The following SLC9A9 variants were observed in gnomAD, a reference collection of about 807,000 sequenced individuals.
SLC9A9 encodes the protein sodium/hydrogen exchanger 9.
Under a neutral mutation model 77.8 loss-of-function variants are expected in SLC9A9, and 62 were observed. The observed-to-expected ratio is 0.80, with a 90% CI of 0.65 to 0.98. SLC9A9 has a LOEUF of 0.98. Among genes scored for constraint, SLC9A9 ranks in the 50% least tolerant of loss-of-function variants. The probability of loss-of-function intolerance (pLI) is 0.00; values close to 1 mark genes in which losing one functional copy is unlikely to be tolerated. For missense variants in SLC9A9, 775 were observed against 774.9 expected (o/e 1.00, Z 0.00); for synonymous variants, 320 against 283.5 (o/e 1.13, Z -1.29).
chr3:143,380,831 G>A (rs1409315854), intron 13 of SLC9A9, among the ~76,000 whole-genome samples: 3 of 152,206 alleles, frequency 2.0e-5, no homozygotes, highest in Non-Finnish European at 4.4e-5. Context: ...TGTGTGCCAG[G>A]AAAGCAGTGT....
intron 8 of SLC9A9, among the ~76,000 whole-genome samples, chr3:143,571,019 TTGTA>T (rs2037248972): frequency 6.6e-6 from 1 of 152,126 alleles, no homozygotes; most frequent in African/African-American, 2.4e-5. Flanking sequence ...TCAAATAGAA[TTGTA>T]TGTGATATCC....
intron 1 of SLC9A9, among the ~76,000 whole-genome samples, chr3:143,843,175 G>A (rs1051647292): frequency 6.6e-6 from 1 of 152,168 alleles, no homozygotes; most frequent in East Asian, 1.9e-4. Flanking sequence ...CGGGAAGGGG[G>A]TGAAGTAGTA....
intron 8 of SLC9A9, among the ~76,000 whole-genome samples, chr3:143,569,902 C>T (rs1361037882): frequency 6.6e-6 from 1 of 150,408 alleles, no homozygotes; most frequent in Non-Finnish European, 1.5e-5. Context: ...TCTTGAACTC[C>T]TGGGCTCAAG....
At chr3:143,279,727 C>T (rs1938159668) in intron 14 of SLC9A9, among the ~76,000 whole-genome samples, 1 of 152,174 alleles carries the variant, frequency 6.6e-6, no homozygotes, top group Non-Finnish European at 1.5e-5. Flanking sequence ...ATCCATGTCC[C>T]TGCAAAGGAC....
chr3:143,345,469 T>C (rs568038098), intron 14 of SLC9A9, among the ~76,000 whole-genome samples: 43 of 152,288 alleles, frequency 2.8e-4, no homozygotes, highest in African/African-American at 9.9e-4. Flanking sequence ...AAAATATCCA[T>C]CTGGTTTAGC....
At position 143,605,840 on chromosome 3, in the gene SLC9A9, C is replaced by A. The variant is rs532448918; in HGVS notation, c.756-27117G>T. Among the ~76,000 whole-genome samples the A allele has an allele frequency of 3.9e-4, 60 of 152,178 alleles. No homozygotes were observed. The South Asian group carries it at 8.3e-3, about 21-fold the overall frequency. On this transcript the variant is annotated intron_variant, in intron 6 of 15. Coordinates refer to ENST00000316549, the MANE Select transcript of SLC9A9 (RefSeq NM_173653.4). Reference sequence around the variant, plus strand: ...AGCCATTAAAAGATGGTTCCAGATACAAGTACAAATAAGCTGATAGAGAAA... The same window carrying A: ...AGCCATTAAAAGATGGTTCCAGATAAAAGTACAAATAAGCTGATAGAGAAA...
chr3:143,795,295 A>AC (rs1184003359), intron 3 of SLC9A9, among the ~76,000 whole-genome samples: 2 of 110,908 alleles, frequency 1.8e-5, no homozygotes, highest in East Asian at 6.8e-4. Context: ...AAAAAAAAAA[A>AC]AAAAACCCAC....
chr3:143,602,547 AG>A (rs1166095523), intron 6 of SLC9A9, among the ~76,000 whole-genome samples: 1 of 152,252 alleles, frequency 6.6e-6, no homozygotes, highest in East Asian at 1.9e-4. Context: ...GTTTAATAAT[AG>A]TTATTGTACT....
chr3:143,432,890 T>G (rs1409705741), intron 12 of SLC9A9, among the ~76,000 whole-genome samples: 3 of 152,246 alleles, frequency 2.0e-5, no homozygotes, highest in Non-Finnish European at 4.4e-5. Flanking sequence ...CCTTCCAAAG[T>G]GCTGGGATTA....
chr3:143,634,974 G>A (rs1226783828), intron 6 of SLC9A9, among the ~76,000 whole-genome samples: 1 of 151,934 alleles, frequency 6.6e-6, no homozygotes, highest in Non-Finnish European at 1.5e-5. Context: ...GTTTTAATTT[G>A]GGTTTTGTCC....
chr3:143,751,754 A>C (rs2006724533), intron 4 of SLC9A9, among the ~76,000 whole-genome samples: 1 of 152,222 alleles, frequency 6.6e-6, no homozygotes, highest in Admixed American at 6.5e-5. Context: ...GACACTACTC[A>C]AGATCGGGCA....
chr3:143,270,682 G>GA (rs11371772), intron 14 of SLC9A9, among the ~76,000 whole-genome samples: 34,154 of 149,424 alleles, frequency 0.23, 3,884 homozygotes, highest in South Asian at 0.31. Flanking sequence ...CATGTTAAAA[G>GA]AAAAAAAAAA....
rs544532003 is a variant in SLC9A9 at position 143,450,860 on chromosome 3, G to A, written c.1469+16177C>T. 1.2e-4 allele frequency among the ~76,000 whole-genome samples: 18 copies of A among 152,266 alleles called. No individual in the cohort carries two copies. In the South Asian group the frequency reaches 3.7e-3, roughly 32 times the overall value. On this transcript the variant is annotated intron_variant, in intron 12 of 15. Coordinates refer to ENST00000316549, the MANE Select transcript of SLC9A9 (RefSeq NM_173653.4). ...AGCAGGCTGTGATGGCCATCACATG[G>A]GCTCAGCCAACCCACTCCCAGCACT...
intron 12 of SLC9A9, among the ~76,000 whole-genome samples, chr3:143,416,383 T>C (rs1471329309): frequency 1.3e-5 from 2 of 152,112 alleles, no homozygotes; most frequent in East Asian, 3.9e-4. Flanking sequence ...GGAGAGTCAA[T>C]TGATGTGGCA....
chr3:143,827,655 AC>A (rs2009333819), intron 2 of SLC9A9, among the ~76,000 whole-genome samples: 1 of 152,172 alleles, frequency 6.6e-6, no homozygotes, highest in Non-Finnish European at 1.5e-5. Flanking sequence ...CCAGAAATAC[AC>A]GTGCTCTTAT....
chr3:143,572,288 T>C (rs1294732473), intron 8 of SLC9A9, among the ~76,000 whole-genome samples: 1 of 148,590 alleles, frequency 6.7e-6, no homozygotes, highest in African/African-American at 2.5e-5. Context: ...TGACAATTCT[T>C]AGGCAATGGT....
intron 8 of SLC9A9, among the ~76,000 whole-genome samples, chr3:143,554,294 T>G (rs554405392): frequency 2.9e-4 from 44 of 152,248 alleles, no homozygotes; most frequent in African/African-American, 8.9e-4. Context: ...CTGCAGTGAG[T>G]TACTATCTCA....
At chr3:143,786,045 C>T (rs1007305798) in intron 4 of SLC9A9, among the ~76,000 whole-genome samples, 3 of 151,054 alleles carry the variant, frequency 2.0e-5, no homozygotes, top group African/African-American at 4.9e-5. Context: ...TTAGTAGAGA[C>T]GGGGTTTCAC....
At chr3:143,725,546 C>T (rs1934626593) in intron 4 of SLC9A9, among the ~76,000 whole-genome samples, 1 of 148,496 alleles carries the variant, frequency 6.7e-6, no homozygotes, top group East Asian at 2.0e-4. Context: ...CCATGGAATA[C>T]TATGCAGCCA....
Sources: gnomAD v4.1 joint callset for allele counts (sites outside exome capture counted in the v4.1 genomes callset) on GRCh38, gnomAD v4.1.1 for gene constraint, MANE v1.5 for transcripts, NCBI Gene and HGNC (gene_info 2026-07-23, HGNC 2026-07-21) for gene names.